KIAA0319L: variants seen among roughly 807,000 people sequenced by gnomAD.
KIAA0319L encodes KIAA0319 like, also known as dyslexia-associated protein KIAA0319-like protein.
In KIAA0319L, 55 loss-of-function variants were observed where a neutral mutation model predicts 120.1. The ratio of observed to expected loss-of-function variants is 0.46; its 90% CI spans 0.37 to 0.57. The LOEUF is 0.57. KIAA0319L is among the 20% of genes least tolerant of loss of function. The pLI is 0.00. For synonymous variants in KIAA0319L, 398 were observed against 471.9 expected (o/e 0.84, Z 2.03); for missense variants, 1,049 against 1,255.3 (o/e 0.84, Z 2.48).
At chr1:35,448,932 TATC>T (rs1641842160) in intron 15 of KIAA0319L, among the ~76,000 whole-genome samples, 1 of 152,258 alleles carries the variant, frequency 6.6e-6, no homozygotes, top group Admixed American at 6.5e-5. Context: ...ACGGTGAGGC[TATC>T]ATGTTTTACT....
In KIAA0319L at chr1:35,496,775, C is replaced by T. The variant is rs936008714; in HGVS notation, c.666+9837G>A. Among the ~76,000 whole-genome samples the T allele has an allele frequency of 5.9e-5, 9 of 151,970 alleles. 1 individual carries two copies. The highest frequency in any genetic ancestry group is 1.9e-4 in the African/African-American group (8 of 41,384). On this transcript the variant is annotated intron_variant, in intron 3 of 20. Coordinates refer to ENST00000325722, the MANE Select transcript of KIAA0319L (RefSeq NM_024874.5). ...CCTGGCCAACATGGTGAAAACCCGT[C>T]TCTACTTTAAAAAATACAAAAATTA...
At position 35,541,565 on chromosome 1, in the gene KIAA0319L, G is replaced by A. The variant is rs548200452; in HGVS notation, c.142+12785C>T. On this transcript the variant is annotated intron_variant, in intron 2 of 20. Transcript: ENST00000325722. ...GGGTTTCACCATGTTGGCCAGGCTG[G>A]TCTTGAATTCCTGACCTCAGGTGAT... is the stretch of plus-strand genomic sequence containing the variant. Among the ~76,000 whole-genome samples the A allele has an allele frequency of 5.9e-5, 9 of 152,068 alleles. No individual in the cohort carries two copies. The East Asian group carries it at 1.7e-3, about 29-fold the overall frequency.
rs1644033043 is a variant in KIAA0319L at position 35,479,096 on chromosome 1, C to T, written c.783G>A (p.Thr261=). Residue 261 remains threonine (T), a synonymous_variant, in exon 4 of 21, where the codon ACG becomes ACA. Transcript: ENST00000325722. The part of the protein sequence containing the change: ...QPEISEGLAT[T]PSTQQVKSSE... ...AACTTTTTACTTGTTGAGTGCTGGGCGTAGTAGCAAGACCCTCTGATATTT... is the reference window on the plus strand; with the variant it reads ...AACTTTTTACTTGTTGAGTGCTGGGTGTAGTAGCAAGACCCTCTGATATTT... 7 of 1,613,994 alleles carry T rather than the reference C, an allele frequency of 4.3e-6. No individual in the cohort carries two copies. Among genetic ancestry groups the T allele is most frequent in the Non-Finnish European group, 5.9e-6 (7 of 1,180,028 alleles).
chr1:35,500,786 C>T (rs1436107292), intron 3 of KIAA0319L, among the ~76,000 whole-genome samples: 2 of 152,172 alleles, frequency 1.3e-5, no homozygotes, highest in Non-Finnish European at 2.9e-5. Context: ...CAAGTTCTCT[C>T]CCAAAAGAAA....
chr1:35,457,614 T>C (rs1290138909), intron 9 of KIAA0319L, among the ~76,000 whole-genome samples: 1 of 152,090 alleles, frequency 6.6e-6, no homozygotes, highest in Non-Finnish European at 1.5e-5. Context: ...CACCTCAAAA[T>C]GTGAGCATAA....
At position 35,479,116 on chromosome 1, in the gene KIAA0319L, A is replaced by G. The variant is rs1459826245; in HGVS notation, c.763T>C (p.Ser255Pro). The change falls in exon 4 of 21, where the codon TCA becomes CCA. Residue 255 changes from serine (S) to proline (P), a missense_variant. Transcript: ENST00000325722. ...PKNVSVQPEI[S>P]EGLATTPSTQ... ...CTGGGCGTAGTAGCAAGACCCTCTG[A>G]TATTTCAGGTTGCACTGATACATTC... 1.1e-5 allele frequency: 17 copies of G among 1,613,990 alleles called. No individual in the cohort carries two copies. The highest frequency in any genetic ancestry group is 1.4e-5 in the Non-Finnish European group (16 of 1,180,024).
At chr1:35,484,883 C>A (rs1347648659) in intron 3 of KIAA0319L, among the ~76,000 whole-genome samples, 1 of 145,088 alleles carries the variant, frequency 6.9e-6, no homozygotes, top group Non-Finnish European at 1.5e-5. Flanking sequence ...TATACATGTG[C>A]CATGCTGGTG....
chr1:35,444,447 T>C (rs909771200), intron 16 of KIAA0319L, 144 bp from the exon 17 acceptor site: 1 of 765,846 alleles, frequency 1.3e-6, no homozygotes, highest in Non-Finnish European at 1.9e-6. Context: ...GTGAGAAAGG[T>C]GTTATCAGGG....
chr1:35,468,317 A>T (rs544528085), intron 6 of KIAA0319L, among the ~76,000 whole-genome samples: 2 of 152,158 alleles, frequency 1.3e-5, no homozygotes, highest in South Asian at 4.2e-4. Flanking sequence ...CCCTTAAATG[A>T]TGGGTGTTCC....
At chr1:35,467,852 C>A (rs1429575584) in intron 6 of KIAA0319L, among the ~76,000 whole-genome samples, 6 of 152,094 alleles carry the variant, frequency 3.9e-5, no homozygotes, top group Non-Finnish European at 8.8e-5. Flanking sequence ...CCATTCCCAG[C>A]TAATTTTTTA....
At chr1:35,548,784 C>T (rs924806628) in intron 2 of KIAA0319L, among the ~76,000 whole-genome samples, 1 of 152,050 alleles carries the variant, frequency 6.6e-6, no homozygotes, top group Non-Finnish European at 1.5e-5. Flanking sequence ...AGCTGCCATA[C>T]CAGCTTTGCT....
At position 35,539,759 on chromosome 1, in the gene KIAA0319L, T is replaced by C. The variant is rs1646720206; in HGVS notation, c.142+14591A>G. Among the ~76,000 whole-genome samples, 3 of 152,170 alleles carry C rather than the reference T, an allele frequency of 2.0e-5. No individual in the cohort carries two copies. In the South Asian group the frequency reaches 6.2e-4, roughly 32 times the overall value. ...TCCATAAGCCTCCAGCTGACTCTGG[T>C]TGCCCTCAGTTAAGGACAATAAACA... On this transcript the variant is annotated intron_variant, in intron 2 of 20. Coordinates refer to ENST00000325722, the MANE Select transcript of KIAA0319L (RefSeq NM_024874.5).
upstream of KIAA0319L, chr1:35,557,608 C>T (rs1648319235): frequency 4.4e-6 from 2 of 449,936 alleles, no homozygotes; most frequent in Non-Finnish European, 8.9e-6. Flanking sequence ...GCAGTCTGCA[C>T]CTTGCCTCCT....
chr1:35,461,406 C>T (rs1642879388), intron 8 of KIAA0319L, among the ~76,000 whole-genome samples: 1 of 152,048 alleles, frequency 6.6e-6, no homozygotes, highest in South Asian at 2.1e-4. Context: ...GTGGAGGTTG[C>T]AGTGAGCCAA....
At position 35,479,129 on chromosome 1, in the gene KIAA0319L, C is replaced by T. The variant is rs1344987710; in HGVS notation, c.750G>A (p.Val250=). 1.2e-6 allele frequency: 2 copies of T among 1,614,110 alleles called. No homozygotes were observed. The highest frequency in any genetic ancestry group is 8.5e-7 in the Non-Finnish European group (1 of 1,180,012). Residue 250 remains valine, a synonymous_variant, in exon 4 of 21, where the codon GTG becomes GTA. Coordinates refer to ENST00000325722, the MANE Select transcript of KIAA0319L (RefSeq NM_024874.5). ...ELSGGPKNVS[V]QPEISEGLAT... ...CAAGACCCTCTGATATTTCAGGTTG[C>T]ACTGATACATTCTTTGGCCCACCAG...
At position 35,434,742 on chromosome 1, in the gene KIAA0319L, G is replaced by A. The variant is rs184086740; in HGVS notation, c.*152C>T. On this transcript the variant is annotated 3_prime_UTR_variant, in exon 21 of 21. Transcript: ENST00000325722. ...CTTCGTTGAGGGGTTCCTGGAGGAC[G>A]TCTCTGGATTCAAGTCCCAGGGGTT... 25 of 617,968 alleles carry A rather than the reference G, an allele frequency of 4.0e-5. No individual in the cohort carries two copies. The East Asian group carries it at 4.1e-4, about 10-fold the overall frequency. 38.3% of individuals were successfully genotyped at this position (617,968 alleles called of 1,614,324 possible).
intron 7 of KIAA0319L, 140 bp from the exon 8 acceptor site, chr1:35,462,853 G>T: frequency 1.6e-4 from 89 of 558,876 alleles, no homozygotes; most frequent in Middle Eastern, 4.1e-4. Flanking sequence ...CAGTTTTGTG[G>T]AAGACAATTT....
At chr1:35,552,376 C>T (rs1273411975) in intron 2 of KIAA0319L, among the ~76,000 whole-genome samples, 1 of 152,034 alleles carries the variant, frequency 6.6e-6, no homozygotes, top group African/African-American at 2.4e-5. Flanking sequence ...TCCAAAACAT[C>T]CCCTATGGTT....
At chr1:35,466,050 C>T (rs1221681552) in intron 7 of KIAA0319L, among the ~76,000 whole-genome samples, 1 of 152,176 alleles carries the variant, frequency 6.6e-6, no homozygotes, top group Admixed American at 6.5e-5. Flanking sequence ...TGTACTAATA[C>T]AACTGCCCAT....
Sources: gnomAD v4.1 joint callset for allele counts (sites outside exome capture counted in the v4.1 genomes callset) on GRCh38, gnomAD v4.1.1 for gene constraint, MANE v1.5 for transcripts, NCBI Gene and HGNC (gene_info 2026-07-23, HGNC 2026-07-21) for gene names.